IQCM: variants seen among roughly 807,000 people sequenced by gnomAD.
IQCM encodes IQ domain-containing protein M.
IQCM carries 45 observed loss-of-function variants against 57.6 expected under a neutral mutation model. That is an observed-to-expected ratio of 0.78 (90% CI 0.62 to 1.00). The LOEUF (loss-of-function observed/expected upper bound fraction) is 1.00. IQCM is among the 50% of genes least tolerant of loss of function. The pLI, the probability that IQCM is intolerant of heterozygous loss-of-function variation, is 0.00. For synonymous variants in IQCM, 148 were observed against 158.9 expected (o/e 0.93, Z 0.51); for missense variants, 468 against 511.6 (o/e 0.91, Z 0.82).
rs570374352 is a variant in IQCM, at chr4:149,354,093, G to A, written c.1391-2027C>T. On this transcript the variant is annotated intron_variant, in intron 13 of 13. Coordinates refer to ENST00000636793, the MANE Select transcript of IQCM (RefSeq NM_001363507.2). ...TAAAACTGACAAATTGGCCAGGCGC[G>A]GTGGCTCACGCCTGTAATCCCAGCA... Among the ~76,000 whole-genome samples the A allele has an allele frequency of 3.8e-4, 58 of 151,946 alleles. 1 individual carries two copies. The South Asian group carries it at 1.0e-2, about 26-fold the overall frequency.
At chr4:149,709,210 T>A (rs1764378177) in intron 5 of IQCM, among the ~76,000 whole-genome samples, 1 of 152,110 alleles carries the variant, frequency 6.6e-6, no homozygotes, top group Non-Finnish European at 1.5e-5. Context: ...CACATAAAAC[T>A]AGAACATTAG....
intron 13 of IQCM, among the ~76,000 whole-genome samples, chr4:149,425,274 T>C (rs911024513): frequency 6.6e-6 from 1 of 151,984 alleles, no homozygotes. Context: ...ATAGGCTATA[T>C]AGAGATATAC....
intron 7 of IQCM, among the ~76,000 whole-genome samples, chr4:149,674,342 T>A (rs1761566052): frequency 1.3e-5 from 2 of 152,168 alleles, no homozygotes; most frequent in African/African-American, 4.8e-5. Context: ...TAAGCCCTTT[T>A]TATGTGCCAG....
chr4:149,546,259 A>T (rs963148843), intron 12 of IQCM, among the ~76,000 whole-genome samples: 1 of 152,210 alleles, frequency 6.6e-6, no homozygotes, highest in Non-Finnish European at 1.5e-5. Context: ...GCTATTGTGA[A>T]TAGTGCCACA....
chr4:149,652,659 GAAGA>G (rs1332081705), intron 7 of IQCM, among the ~76,000 whole-genome samples: 2 of 151,960 alleles, frequency 1.3e-5, no homozygotes, highest in African/African-American at 4.8e-5. Context: ...TTCCAGAAAT[GAAGA>G]GAGAAGATGG....
chr4:149,633,154 C>A lies in IQCM; in HGVS notation c.566-11910G>T, dbSNP rs181131248. On this transcript the variant is annotated intron_variant, in intron 7 of 13. Transcript: ENST00000636793. ...CCGCAGTCCAGCCTGGGCGACAGAG[C>A]GAGACTCCGTCTCAAAAAAAAAAAA... 5.9e-3 allele frequency among the ~76,000 whole-genome samples: 656 copies of A among 110,858 alleles called. 7 individuals carry two copies. The highest frequency in any genetic ancestry group is 0.023 in the African/African-American group (631 of 27,818). 72.7% of individuals were successfully genotyped at this position (110,858 alleles called of 152,430 possible). A position where few individuals can be genotyped will look rare whatever the true frequency, so the allele number is the denominator to read the frequency against.
intron 12 of IQCM, among the ~76,000 whole-genome samples, chr4:149,541,865 T>C (rs1220496780): frequency 6.6e-6 from 1 of 152,108 alleles, no homozygotes; most frequent in African/African-American, 2.4e-5. Context: ...ATTAGTTACA[T>C]ATGCGCTCAG....
chr4:149,538,694 C>T (rs1187841668), intron 12 of IQCM, among the ~76,000 whole-genome samples: 2 of 151,694 alleles, frequency 1.3e-5, no homozygotes, highest in Non-Finnish European at 2.9e-5. Context: ...AAAGTAAGAG[C>T]TAAGTCATTA....
At chr4:149,519,018 A>C (rs1425276947) in intron 12 of IQCM, among the ~76,000 whole-genome samples, 1 of 152,214 alleles carries the variant, frequency 6.6e-6, no homozygotes, top group African/African-American at 2.4e-5. Flanking sequence ...TTTAGAGAAA[A>C]AAGCAGAGGA....
At chr4:149,599,085 T>G (rs1754034875) in intron 8 of IQCM, among the ~76,000 whole-genome samples, 1 of 152,160 alleles carries the variant, frequency 6.6e-6, no homozygotes, top group Non-Finnish European at 1.5e-5. Flanking sequence ...CTAGAGAAAC[T>G]GACACCTATG....
chr4:149,438,562 A>G (rs765443638), intron 12 of IQCM, among the ~76,000 whole-genome samples: 1 of 152,082 alleles, frequency 6.6e-6, no homozygotes. Flanking sequence ...GATTTGAAAT[A>G]AGTGATGTCA....
At chr4:149,421,623 A>AT (rs932049351) in intron 13 of IQCM, among the ~76,000 whole-genome samples, 89 of 151,190 alleles carry the variant, frequency 5.9e-4, no homozygotes, top group Non-Finnish European at 9.6e-4. Flanking sequence ...GAGCCTCTAC[A>AT]TTTTTTTTTG....
chr4:149,614,275 A>G (rs1390429683), intron 8 of IQCM, among the ~76,000 whole-genome samples: 1 of 152,112 alleles, frequency 6.6e-6, no homozygotes, highest in African/African-American at 2.4e-5. Flanking sequence ...AGTTAGGCAA[A>G]TTCTTTTCAT....
intron 2 of IQCM, among the ~76,000 whole-genome samples, chr4:149,781,282 G>T (rs1413967420): frequency 6.6e-6 from 1 of 152,168 alleles, no homozygotes; most frequent in African/African-American, 2.4e-5. Context: ...ATATTAAACA[G>T]ATAATTCCAG....
chr4:149,471,798 G>T (rs139869250), intron 12 of IQCM, among the ~76,000 whole-genome samples: 2,683 of 152,264 alleles, frequency 0.018, 78 homozygotes, highest in African/African-American at 0.062. Flanking sequence ...TCATCCCTGG[G>T]TTGCAAGTCT....
At chr4:149,457,297 G>A (rs946547477) in intron 12 of IQCM, among the ~76,000 whole-genome samples, 1 of 152,042 alleles carries the variant, frequency 6.6e-6, no homozygotes, top group East Asian at 1.9e-4. Flanking sequence ...ACAGGCCCTG[G>A]AAATCTCTCT....
At position 149,563,744 on chromosome 4, in the gene IQCM, G is replaced by A; in HGVS notation, c.896C>T (p.Ala299Val). The A allele has an allele frequency of 8.1e-7, 1 of 1,231,972 alleles. No homozygotes were observed. The allele number at this position is 1,231,972 out of a possible 1,614,324, so 76.3% of individuals were successfully genotyped here. ...CCGTTCAAGCCATCCCCTGACATGT[G>A]CCTGCATGACGGTGACCATTCTAAT... ...KLIRMVTVMQ[A>V]HVRGWLERKR... is the part of the protein sequence containing the mutation. Residue 299 changes from alanine (A) to valine (V), a missense_variant, in exon 10 of 14, where the codon GCA (alanine) becomes GTA (valine). Coordinates refer to ENST00000636793, the MANE Select transcript of IQCM (RefSeq NM_001363507.2).
At chr4:149,562,496 A>G (rs1235348880) in intron 10 of IQCM, among the ~76,000 whole-genome samples, 3 of 152,206 alleles carry the variant, frequency 2.0e-5, no homozygotes, top group African/African-American at 7.2e-5. Flanking sequence ...TGGAGTAAGA[A>G]AATTAGTTCA....
At chr4:149,490,636 T>A (rs567037591) in intron 12 of IQCM, among the ~76,000 whole-genome samples, 2 of 152,162 alleles carry the variant, frequency 1.3e-5, no homozygotes, top group East Asian at 3.9e-4. Flanking sequence ...TTTCTTTCAA[T>A]CCCTTTCCTT....
Sources: gnomAD v4.1 joint callset for allele counts (sites outside exome capture counted in the v4.1 genomes callset) on GRCh38, gnomAD v4.1.1 for gene constraint, MANE v1.5 for transcripts, NCBI Gene and HGNC (gene_info 2026-07-23, HGNC 2026-07-21) for gene names.